The following P2RY8 variants were observed in gnomAD, a reference collection of about 807,000 sequenced individuals.
P2RY8 encodes P2Y receptor family member 8, also known as S-geranylgeranyl-glutathione receptor P2RY8.
A neutral mutation model predicts 10.0 loss-of-function variants in P2RY8; 6 were observed. That is an observed-to-expected ratio of 0.60 (90% confidence interval 0.33 to 1.19). The LOEUF (loss-of-function observed/expected upper bound fraction) is 1.19, where lower values mean the gene tolerates loss of function less well. P2RY8 is among the 50% of genes most tolerant of loss of function. The pLI is 0.04. For synonymous variants in P2RY8, 276 were observed against 252.5 expected, an observed-to-expected ratio of 1.09 and a Z score of -0.88; for missense variants, 456 against 542.0, an observed-to-expected ratio of 0.84 and a Z score of 1.58.
chrX:1,482,012 G>T (rs1276897362), intron 1 of P2RY8, among the ~76,000 whole-genome samples: 3 of 152,158 alleles, frequency 2.0e-5, no homozygotes, highest in South Asian at 4.1e-4. Flanking sequence ...ATTTTGATCT[G>T]CGTCTTCTGC....
intron 1 of P2RY8, among the ~76,000 whole-genome samples, chrX:1,509,132 T>TATCC (rs1453173505): frequency 6.6e-6 from 1 of 151,122 alleles, no homozygotes; most frequent in Admixed American, 6.6e-5. Context: ...TCTATCTATC[T>TATCC]ATCTATCTAT....
chrX:1,489,599 A>G (rs137919151), intron 1 of P2RY8, among the ~76,000 whole-genome samples: 4 of 152,024 alleles, frequency 2.6e-5, no homozygotes, highest in Non-Finnish European at 5.9e-5. Context: ...ATTCCCTGCA[A>G]ATGTGGAGGG....
At chrX:1,496,295 C>T (rs1193066340) in intron 1 of P2RY8, among the ~76,000 whole-genome samples, 1 of 152,128 alleles carries the variant, frequency 6.6e-6, no homozygotes, top group Non-Finnish European at 1.5e-5. Flanking sequence ...GAGTCATGCT[C>T]CCCCGCCAGC....
intron 1 of P2RY8, among the ~76,000 whole-genome samples, chrX:1,495,684 C>T (rs1460980294): frequency 2.4e-5 from 3 of 127,208 alleles, no homozygotes; most frequent in Admixed American, 1.7e-4. Flanking sequence ...CAGACACATA[C>T]AGAGAGATGA....
intron 1 of P2RY8, among the ~76,000 whole-genome samples, chrX:1,478,887 C>A (rs1174910302): frequency 1.3e-5 from 2 of 152,024 alleles, no homozygotes; most frequent in Admixed American, 1.3e-4. Flanking sequence ...AGCCTCCTGC[C>A]CCCTGCTGTC....
At chrX:1,495,470 A>G (rs28612321) in intron 1 of P2RY8, among the ~76,000 whole-genome samples, 41,472 of 150,470 alleles carry the variant, frequency 0.28, 5,922 homozygotes, top group Middle Eastern at 0.31. Context: ...CACTGTGAGG[A>G]CACAGGGAGA....
chrX:1,524,263 C>A (rs1171421744), intron 1 of P2RY8, among the ~76,000 whole-genome samples: 9 of 151,954 alleles, frequency 5.9e-5, no homozygotes, highest in Admixed American at 3.9e-4. Flanking sequence ...AGCTGCTTAC[C>A]CCCCTCTCTT....
Position 1,466,472 on chromosome X carries a change from C to T in P2RY8, c.87G>A (p.Val29=), listed in dbSNP as rs1361081468. The change falls in exon 2 of 2, where the codon GTG becomes GTA. Residue 29 remains valine (V), a synonymous_variant. Coordinates refer to ENST00000381297, the MANE Select transcript of P2RY8 (RefSeq NM_178129.5). ...NPAIAVALPV[V]YSLVAAVSIP... ...TGCTGACCGCCGCCACCAGCGAGTA[C>T]ACCACGGGCAGGGCCACCGCGATCG... 1.2e-6 allele frequency: 2 copies of T among 1,612,126 alleles called. No individual in the cohort carries two copies. Among genetic ancestry groups the T allele is most frequent in the East Asian group, 2.2e-5 (1 of 44,868 alleles).
At chrX:1,524,765 C>T (rs1307771648) in intron 1 of P2RY8, among the ~76,000 whole-genome samples, 13 of 96,992 alleles carry the variant, frequency 1.3e-4, no homozygotes, top group Non-Finnish European at 1.7e-4. Flanking sequence ...ATCCATCCAT[C>T]CATCCATCCA....
chrX:1,479,943 G>T (rs1260319024), intron 1 of P2RY8, among the ~76,000 whole-genome samples: 20 of 152,264 alleles, frequency 1.3e-4, no homozygotes, highest in Admixed American at 1.3e-3. Flanking sequence ...AGAAGAAACA[G>T]CCAATCTGAG....
intron 1 of P2RY8, among the ~76,000 whole-genome samples, chrX:1,492,835 G>T (rs768075370): frequency 2.0e-5 from 3 of 152,152 alleles, no homozygotes; most frequent in East Asian, 1.9e-4. Flanking sequence ...AGGCAGTCAC[G>T]TATCATTCAT....
chrX:1,492,611 A>G (rs1381056672), intron 1 of P2RY8, among the ~76,000 whole-genome samples: 6 of 152,176 alleles, frequency 3.9e-5, no homozygotes, highest in Admixed American at 3.9e-4. Context: ...TGAAGCCCCC[A>G]TAGAAATCCT....
At chrX:1,530,370 G>A (rs2092466033) in intron 1 of P2RY8, among the ~76,000 whole-genome samples, 1 of 150,012 alleles carries the variant, frequency 6.7e-6, no homozygotes, top group South Asian at 2.1e-4. Flanking sequence ...ATCTATCTAG[G>A]TATCTCTCTA....
In P2RY8 at chrX:1,465,426, G is replaced by T; in HGVS notation, c.*53C>A. On this transcript the variant is annotated 3_prime_UTR_variant, in exon 2 of 2. Coordinates refer to ENST00000381297, the MANE Select transcript of P2RY8 (RefSeq NM_178129.5). ...CTCTGGCACCGTGGCCTCTCCATGC[G>T]CCCCTGGATCTCCAAGCTGCGCCCC... The T allele has an allele frequency of 6.5e-7, 1 of 1,542,470 alleles. No homozygotes were observed.
At chrX:1,527,405 TTCAC>T (rs2092446331) in intron 1 of P2RY8, among the ~76,000 whole-genome samples, 1 of 151,954 alleles carries the variant, frequency 6.6e-6, no homozygotes, top group African/African-American at 2.4e-5. Context: ...GATCCATTCA[TTCAC>T]TCATTCATTT....
In P2RY8 at chrX:1,521,034, C is replaced by CTTTTTTTT. The variant is rs1163534557; in HGVS notation, c.-25+15879_-25+15886dup. On this transcript the variant is annotated intron_variant, in intron 1 of 1. Coordinates refer to ENST00000381297, the MANE Select transcript of P2RY8 (RefSeq NM_178129.5). ...CAATATCCTCTCTGATTTTTCTTTT[C>CTTTTTTTT]TTTTTTTTTTTTTTTTTTTGAGACA... 1.6e-3 allele frequency among the ~76,000 whole-genome samples: 97 copies of CTTTTTTTT among 61,070 alleles called. 2 individuals are homozygous for CTTTTTTTT. Among genetic ancestry groups the CTTTTTTTT allele is most frequent in the African/African-American group, 4.1e-3 (88 of 21,278 alleles). 40.1% of individuals were successfully genotyped at this position (61,070 alleles called of 152,430 possible).
At chrX:1,479,818 A>G (rs1294998022) in intron 1 of P2RY8, among the ~76,000 whole-genome samples, 1 of 152,216 alleles carries the variant, frequency 6.6e-6, no homozygotes, top group African/African-American at 2.4e-5. Flanking sequence ...AGACATCACT[A>G]CAGATCCCAT....
chrX:1,511,233 T>C (rs1381968201), intron 1 of P2RY8, among the ~76,000 whole-genome samples: 21 of 152,156 alleles, frequency 1.4e-4, no homozygotes, highest in Admixed American at 7.9e-4. Flanking sequence ...GACAGCCTCA[T>C]TGGGGCACAT....
intron 1 of P2RY8, among the ~76,000 whole-genome samples, chrX:1,518,421 G>C (rs1249734438): frequency 1.7e-5 from 1 of 59,610 alleles, no homozygotes; most frequent in South Asian, 7.7e-4. Flanking sequence ...GCGAGACTCC[G>C]TCTCAAAAAA....
Sources: allele counts gnomAD v4.1 joint callset (sites outside exome capture counted in the v4.1 genomes callset), GRCh38; gene constraint gnomAD v4.1.1; transcripts MANE v1.5; gene names NCBI Gene and HGNC (gene_info 2026-07-23, HGNC 2026-07-21).